The following TMEM178A variants were observed in gnomAD, a reference collection of about 807,000 sequenced individuals.
The protein encoded by TMEM178A is transmembrane protein 178.
TMEM178A carries 12 observed loss-of-function variants against 29.1 expected under a neutral mutation model. That is an observed-to-expected ratio of 0.41 (90% CI 0.26 to 0.67). The LOEUF (loss-of-function observed/expected upper bound fraction) is 0.67, where lower values mean the gene tolerates loss of function less well. Ranked by LOEUF, TMEM178A falls within the 30% of genes least tolerant of loss-of-function variation. TMEM178A has a pLI of 0.29. For missense variants in TMEM178A, 366 were observed against 419.1 expected, an observed-to-expected ratio of 0.87 and a Z score of 1.11; for synonymous variants, 210 against 187.2, an observed-to-expected ratio of 1.12 and a Z score of -0.99.
chr2:39,684,356 A>T (rs10170450), intron 1 of TMEM178A, among the ~76,000 whole-genome samples: 6,120 of 152,270 alleles, frequency 0.04, 349 homozygotes, highest in African/African-American at 0.13. Flanking sequence ...GAAGGAAAAA[A>T]ATAATCTGTT....
At chr2:39,735,809 G>A in the TMEM178A span, among the ~76,000 whole-genome samples, 2 of 152,374 alleles carry the variant, frequency 1.3e-5, no homozygotes, top group South Asian at 4.1e-4. Context: ...GGAGAGGAAT[G>A]TTCTGGTGAA....
chr2:39,728,721 A>T, the TMEM178A span, among the ~76,000 whole-genome samples: 47 of 148,110 alleles, frequency 3.2e-4, no homozygotes, highest in Non-Finnish European at 1.2e-4. Flanking sequence ...CAAGAAATGA[A>T]TTTTTTTTTT....
At chr2:39,710,424 C>G (rs1458406298) in intron 3 of TMEM178A, among the ~76,000 whole-genome samples, 1 of 151,920 alleles carries the variant, frequency 6.6e-6, no homozygotes, top group East Asian at 1.9e-4. Flanking sequence ...CCAAATCTTG[C>G]CATGTATTTG....
chr2:39,665,500 GA>G (rs1307491173), upstream of TMEM178A: 2 of 158,210 alleles, frequency 1.3e-5, no homozygotes, highest in Non-Finnish European at 1.4e-5. Context: ...ATGAGTGGGG[GA>G]AAGTGTGAGA....
chr2:39,705,747 C>G (rs1345771493), intron 2 of TMEM178A, among the ~76,000 whole-genome samples: 5 of 152,198 alleles, frequency 3.3e-5, no homozygotes, highest in African/African-American at 4.8e-5. Flanking sequence ...AGGAGCCACA[C>G]AAACACACAA....
chr2:39,721,985 C>CAAAAAA (rs57605942), downstream of TMEM178A, among the ~76,000 whole-genome samples: 1 of 40,092 alleles, frequency 2.5e-5, no homozygotes, highest in Non-Finnish European at 4.2e-5. Context: ...AGACCAGTCT[C>CAAAAAA]AAAAAAAAAA....
chr2:39,685,409 T>C (rs1034738449), intron 1 of TMEM178A, among the ~76,000 whole-genome samples: 1 of 152,214 alleles, frequency 6.6e-6, no homozygotes, highest in Non-Finnish European at 1.5e-5. Context: ...TCAGTACTTC[T>C]CCTTTATGTC....
At chr2:39,709,165 C>T (rs1027986618) in intron 3 of TMEM178A, among the ~76,000 whole-genome samples, 4 of 152,220 alleles carry the variant, frequency 2.6e-5, no homozygotes, top group African/African-American at 2.4e-5. Flanking sequence ...TGTCTCTGAG[C>T]GTTGACGGGT....
chr2:39,701,730 T>C (rs1454437849), intron 1 of TMEM178A, among the ~76,000 whole-genome samples: 1 of 152,162 alleles, frequency 6.6e-6, no homozygotes, highest in East Asian at 1.9e-4. Context: ...TAAATCATCC[T>C]TTGTTCTTTA....
intron 3 of TMEM178A, among the ~76,000 whole-genome samples, chr2:39,715,027 C>CA (rs1672477229): frequency 6.6e-6 from 1 of 151,970 alleles, no homozygotes; most frequent in African/African-American, 2.4e-5. Flanking sequence ...ATGAAGAAAC[C>CA]AAGGCTCAGA....
the TMEM178A span, among the ~76,000 whole-genome samples, chr2:39,730,184 G>C: frequency 6.6e-6 from 1 of 152,142 alleles, no homozygotes; most frequent in Non-Finnish European, 1.5e-5. Context: ...ATGGTTTCTT[G>C]TTGTGTTTGC....
chr2:39,706,346 C>T (rs1200013628), intron 2 of TMEM178A, among the ~76,000 whole-genome samples: 1 of 152,168 alleles, frequency 6.6e-6, no homozygotes. Context: ...GGGATCTATG[C>T]TTTAGGGGAG....
At position 39,677,475 on chromosome 2, in the gene TMEM178A, C is replaced by T. The variant is rs147447961; in HGVS notation, c.400+11101C>T. Among the ~76,000 whole-genome samples the T allele has an allele frequency of 1.4e-4, 21 of 152,142 alleles. 1 individual carries two copies. Among genetic ancestry groups the T allele is most frequent in the Admixed American group, 8.5e-4 (13 of 15,288 alleles). ...CAGTGTCCTGGTGTGTTGATAGTGG[C>T]GCGTGTTCAAAATTAGAAATTAAAC... On this transcript the variant is annotated intron_variant, in intron 1 of 3. Transcript: ENST00000281961.
At chr2:39,731,749 G>A in the TMEM178A span, among the ~76,000 whole-genome samples, 1 of 152,182 alleles carries the variant, frequency 6.6e-6, no homozygotes, top group Non-Finnish European at 1.5e-5. Flanking sequence ...GTTGGTCACT[G>A]CTGCTGGAAA....
rs1670144779 is a variant in TMEM178A, at chr2:39,666,151, G to C, written c.177G>C (p.Leu59=). Residue 59 remains leucine (L), a synonymous_variant, in exon 1 of 4, where the codon CTG becomes CTC. Transcript: ENST00000281961. The part of the protein sequence containing the change: ...GADPPDQKNR[L]MPLSHLPLRD... ...ACCCCCCGGACCAGAAGAACCGCCT[G>C]ATGCCGCTGTCGCACCTGCCGCTGC... The C allele has an allele frequency of 6.6e-7, 1 of 1,513,204 alleles. No homozygotes were observed. The highest frequency in any genetic ancestry group is 1.4e-5 in the African/African-American group (1 of 69,346). 93.7% of individuals were successfully genotyped at this position (1,513,204 alleles called of 1,614,324 possible). A position where few individuals can be genotyped will look rare whatever the true frequency, so the allele number is the denominator to read the frequency against.
intron 1 of TMEM178A, among the ~76,000 whole-genome samples, chr2:39,673,518 A>G (rs1402920108): frequency 6.6e-6 from 1 of 152,194 alleles, no homozygotes; most frequent in African/African-American, 2.4e-5. Context: ...AACCTAAAGG[A>G]TGTAATATAT....
At chr2:39,682,303 G>A (rs1447046990) in intron 1 of TMEM178A, among the ~76,000 whole-genome samples, 5 of 151,834 alleles carry the variant, frequency 3.3e-5, no homozygotes, top group African/African-American at 7.3e-5. Flanking sequence ...GAACTATGAT[G>A]TAATGCCTAG....
At chr2:39,686,087 G>T (rs969775099) in intron 1 of TMEM178A, among the ~76,000 whole-genome samples, 12 of 152,230 alleles carry the variant, frequency 7.9e-5, no homozygotes, top group African/African-American at 2.7e-4. Flanking sequence ...CACACATGGG[G>T]GCAGCTGCTG....
At position 39,694,050 on chromosome 2, in the gene TMEM178A, C is replaced by G. The variant is rs373048539; in HGVS notation, c.401-10031C>G. ...TGTCTGACTTGTCATTGAACTCTCC[C>G]TCTTTGGCCCCTAGAGATAATGTGT... On this transcript the variant is annotated intron_variant, in intron 1 of 3. Coordinates refer to ENST00000281961, the MANE Select transcript of TMEM178A (RefSeq NM_152390.3). Among the ~76,000 whole-genome samples the G allele has an allele frequency of 2.7e-4, 40 of 150,802 alleles. No individual in the cohort carries two copies. The East Asian group carries it at 3.7e-3, about 14-fold the overall frequency.
Sources: gnomAD v4.1 joint callset for allele counts (sites outside exome capture counted in the v4.1 genomes callset) on GRCh38, gnomAD v4.1.1 for gene constraint, MANE v1.5 for transcripts, NCBI Gene and HGNC (gene_info 2026-07-23, HGNC 2026-07-21) for gene names.